Variants in TK2 observed in about 807,000 individuals in gnomAD.
TK2 encodes the protein thymidine kinase 2, also known as thymidine kinase 2, mitochondrial.
A neutral mutation model predicts 41.9 loss-of-function variants in TK2; 35 were observed. The ratio of observed to expected loss-of-function variants is 0.84; its 90% confidence interval spans 0.64 to 1.11. The LOEUF (loss-of-function observed/expected upper bound fraction) is 1.11, where lower values mean the gene tolerates loss of function less well. Ranked by LOEUF, TK2 falls within the 50% of genes least tolerant of loss-of-function variation. The pLI is 0.00. For synonymous variants in TK2, 128 were observed against 129.1 expected, an observed-to-expected ratio of 0.99 and a Z score of 0.06; for missense variants, 320 against 351.1, an observed-to-expected ratio of 0.91 and a Z score of 0.71.
At chr16:66,515,548 C>T (rs375508726) in intron 8 of TK2, among the ~76,000 whole-genome samples, 12 of 152,350 alleles carry the variant, frequency 7.9e-5, no homozygotes, top group African/African-American at 2.9e-4. Context: ...CCCAGAGGCT[C>T]GCGTGTCAAC....
At position 66,510,148 on chromosome 16, in the gene TK2, C is replaced by T. The variant is rs576137306; in HGVS notation, c.*1820G>A. The T allele has an allele frequency of 1.4e-5, 2 of 144,628 alleles. No homozygotes were observed. The highest frequency in any genetic ancestry group is 3.0e-5 in the Non-Finnish European group (2 of 66,700). The allele number at this position is 144,628 out of a possible 1,614,324, so 9.0% of individuals were successfully genotyped here. A position where few individuals can be genotyped will look rare whatever the true frequency, so the allele number is the denominator to read the frequency against. ...CTTAGGTGAAGGAGTTATTGGGTAT[C>T]ACAGAGCAAGAAAAAAATCATGGGT... On this transcript the variant is annotated 3_prime_UTR_variant, in exon 10 of 10. Transcript: ENST00000544898.
At chr16:66,518,634 A>C (rs1964686583) in intron 6 of TK2, among the ~76,000 whole-genome samples, 1 of 152,264 alleles carries the variant, frequency 6.6e-6, no homozygotes, top group Non-Finnish European at 1.5e-5. Flanking sequence ...TATAACAGAA[A>C]ATTCACGCAG....
rs1964523180 is a variant in TK2 at position 66,513,807 on chromosome 16, T to C, written c.623A>G (p.Tyr208Cys). ...REEEKVIPLEYLEAIHHLHEE... is the reference protein window; with the variant it reads ...REEEKVIPLECLEAIHHLHEE... ...ATGGAGATGGTGAATTGCTTCCAGG[T>C]ATTCCTGCCAGGGAAACACAAGCAG... The change falls in exon 9 of 10, where the codon TAC becomes TGC. Residue 208 changes from tyrosine to cysteine, a missense_variant. By Grantham distance (194) the Tyr-to-Cys change is radical. Coordinates refer to ENST00000544898, the MANE Select transcript of TK2 (RefSeq NM_004614.5). 1.2e-6 allele frequency: 2 copies of C among 1,613,836 alleles called. No homozygotes were observed. Among genetic ancestry groups the C allele is most frequent in the East Asian group, 2.2e-5 (1 of 44,868 alleles).
intron 6 of TK2, among the ~76,000 whole-genome samples, chr16:66,518,325 A>G (rs1422711278): frequency 6.6e-6 from 1 of 152,184 alleles, no homozygotes; most frequent in East Asian, 1.9e-4. Flanking sequence ...CCAGAAGTTC[A>G]AGATCTGCCT....
At position 66,512,037 on chromosome 16, in the gene TK2, C is replaced by G; in HGVS notation, c.729G>C (p.Arg243Ser). 1.2e-6 allele frequency: 2 copies of G among 1,614,178 alleles called. No homozygotes were observed. Among genetic ancestry groups the G allele is most frequent in the South Asian group, 1.1e-5 (1 of 91,084 alleles). Residue 243 changes from arginine to serine, a missense_variant, in exon 10 of 10, where the codon AGG becomes AGC. Arg to Ser is a moderately radical substitution (Grantham distance 110). Transcript: ENST00000544898. ...GATTTTGTTCAAAGAGTTCTAACAT[C>G]CTCTCCATGTGGTGGTCAGCCTCAA... is the stretch of plus-strand genomic sequence containing the variant. ...LVIEADHHME[R>S]MLELFEQNRD... is the part of the protein sequence containing the mutation.
intron 4 of TK2, among the ~76,000 whole-genome samples, chr16:66,536,202 C>CA (rs35291905): frequency 0.013 from 1,083 of 83,042 alleles, 7 homozygotes; most frequent in Middle Eastern, 0.03. Context: ...GACTCCATCT[C>CA]AAAAAAAAAA....
intron 6 of TK2, 93 bp downstream of exon 6, chr16:66,528,901 G>T: frequency 1.7e-6 from 2 of 1,187,690 alleles, no homozygotes; most frequent in Non-Finnish European, 1.2e-6. Context: ...ACAACAGCGG[G>T]TACTCCATAT....
rs191278143 is a variant in TK2 at position 66,531,395 on chromosome 16, C to T, written c.360G>A (p.Arg120=). The T allele has an allele frequency of 4.6e-5, 74 of 1,614,148 alleles. No individual in the cohort carries two copies. The Admixed American group carries it at 6.7e-4, about 15-fold the overall frequency. The change falls in exon 5 of 10, where the codon AGG becomes AGA. Residue 120 remains arginine, a synonymous_variant. Coordinates refer to ENST00000544898, the MANE Select transcript of TK2 (RefSeq NM_004614.5). The part of the protein sequence containing the change: ...QTYVQLTMLD[R]HTRPQVSSVR... Reference sequence around the variant, plus strand: ...TGAAACCTACCTGAGGACGAGTATGCCTGTCCAGCATGGTGAGCTGCACAT... The same window carrying T: ...TGAAACCTACCTGAGGACGAGTATGTCTGTCCAGCATGGTGAGCTGCACAT...
chr16:66,545,621 CGAG>C (rs1353433334), intron 2 of TK2, among the ~76,000 whole-genome samples: 1 of 152,096 alleles, frequency 6.6e-6, no homozygotes, highest in Non-Finnish European at 1.5e-5. Context: ...GTTAGGAGTT[CGAG>C]ACCAGCCTGG....
intron 6 of TK2, among the ~76,000 whole-genome samples, chr16:66,523,152 T>C (rs1044046276): frequency 6.6e-5 from 10 of 152,218 alleles, no homozygotes; most frequent in Admixed American, 4.6e-4. Context: ...GCCTGCCATA[T>C]AGCCTTCTGT....
At chr16:66,534,937 C>T (rs1390427340) in intron 4 of TK2, among the ~76,000 whole-genome samples, 2 of 152,198 alleles carry the variant, frequency 1.3e-5, no homozygotes, top group Non-Finnish European at 2.9e-5. Flanking sequence ...CTGATCTTGG[C>T]CTCCCAAAGT....
intron 6 of TK2, among the ~76,000 whole-genome samples, chr16:66,526,817 A>G (rs1454352070): frequency 1.3e-5 from 2 of 152,270 alleles, no homozygotes; most frequent in Non-Finnish European, 2.9e-5. Context: ...ATGTGATTAA[A>G]AGACAGACAC....
Position 66,545,094 on chromosome 16 carries a change from C to CAAAA in TK2, c.157-3145_157-3142dup, listed in dbSNP as rs56368554. On this transcript the variant is annotated intron_variant, in intron 2 of 9. Coordinates refer to ENST00000544898, the MANE Select transcript of TK2 (RefSeq NM_004614.5). ...GGGTGACAGAGTGAGACCCTGTCTTCAAAAAAAAAAAAAAAAAGAAATACA... is the reference window on the plus strand; with the variant it reads ...GGGTGACAGAGTGAGACCCTGTCTTCAAAAAAAAAAAAAAAAAAAAAGAAATACA... Among the ~76,000 whole-genome samples the CAAAA allele has an allele frequency of 2.3e-3, 176 of 75,686 alleles. No homozygotes were observed. The Middle Eastern group carries it at 0.032, about 14-fold the overall frequency. The allele number at this position is 75,686 out of a possible 152,430, so 49.7% of individuals were successfully genotyped here.
At chr16:66,542,308 C>T (rs1414416086) in intron 2 of TK2, among the ~76,000 whole-genome samples, 1 of 152,062 alleles carries the variant, frequency 6.6e-6, no homozygotes, top group Non-Finnish European at 1.5e-5. Flanking sequence ...TTAACGAGAG[C>T]TTAATCAATG....
At chr16:66,549,193 G>GGCTGCA (rs1597114913) in intron 1 of TK2, 184 bp from the exon 2 acceptor site, 5 of 1,458,876 alleles carry the variant, frequency 3.4e-6, no homozygotes, top group East Asian at 2.4e-5. Flanking sequence ...TGCCACCCTG[G>GGCTGCA]GCTGCAGCTG....
rs536533935 is a variant in TK2, at chr16:66,514,936, A to G, written c.619-1125T>C. Among the ~76,000 whole-genome samples the G allele has an allele frequency of 6.6e-6, 1 of 152,326 alleles. No homozygotes were observed. The highest frequency in any genetic ancestry group is 1.9e-4 in the East Asian group (1 of 5,178). On this transcript the variant is annotated intron_variant, in intron 8 of 9. Coordinates refer to ENST00000544898, the MANE Select transcript of TK2 (RefSeq NM_004614.5). This position sits in a 1 kb window ranked among gnomAD's most constrained non-coding sequence, Gnocchi z 4.2. Reference sequence around the variant, plus strand: ...TTAAATGGATTAAGGGCGATGCAAGATGTGCTTTGTTAAACAGATGCTTGA... The same window carrying G: ...TTAAATGGATTAAGGGCGATGCAAGGTGTGCTTTGTTAAACAGATGCTTGA...
At chr16:66,534,626 G>A (rs77088741) in intron 4 of TK2, among the ~76,000 whole-genome samples, 9,812 of 152,252 alleles carry the variant, frequency 0.064, 473 homozygotes, top group South Asian at 0.17. Flanking sequence ...CCTCTGCAGC[G>A]CCTTCTGCCT....
At chr16:66,530,425 T>C (rs1965074206) in intron 5 of TK2, among the ~76,000 whole-genome samples, 1 of 152,160 alleles carries the variant, frequency 6.6e-6, no homozygotes, top group African/African-American at 2.4e-5. Flanking sequence ...GCATCCTCAC[T>C]GATGGAATAG....
intron 6 of TK2, among the ~76,000 whole-genome samples, chr16:66,528,714 C>A (rs192868494): frequency 2.0e-5 from 3 of 152,150 alleles, no homozygotes; most frequent in African/African-American, 7.2e-5. Flanking sequence ...TCCAGTCACC[C>A]TTGCTTAGGC....
Sources: gnomAD v4.1 joint callset for allele counts (sites outside exome capture counted in the v4.1 genomes callset) on GRCh38, gnomAD v4.1.1 for gene constraint, Gnocchi (gnomAD v3.1) non-coding constraint, MANE v1.5 for transcripts, NCBI Gene and HGNC (gene_info 2026-07-23, HGNC 2026-07-21) for gene names.